ZMYM2: variants seen among roughly 807,000 people sequenced by gnomAD.
The protein encoded by ZMYM2 is zinc finger MYM-type containing 2.
A neutral mutation model predicts 162.8 loss-of-function variants in ZMYM2; 56 were observed. That is an observed-to-expected ratio of 0.34 (90% CI 0.28 to 0.43). ZMYM2 has a LOEUF of 0.43. Ranked by LOEUF, ZMYM2 falls within the 20% of genes least tolerant of loss-of-function variation. The pLI is 1.00. For missense variants in ZMYM2, 1,275 were observed against 1,621.8 expected (o/e 0.79, Z 3.67); for synonymous variants, 510 against 541.6 (o/e 0.94, Z 0.81).
At chr13:20,032,313 G>A (rs1424118207) in intron 10 of ZMYM2, among the ~76,000 whole-genome samples, 2 of 152,010 alleles carry the variant, frequency 1.3e-5, no homozygotes, top group Admixed American at 6.6e-5. Context: ...TATTTCATAA[G>A]GGGGCAGTAA....
the ZMYM2 span, among the ~76,000 whole-genome samples, chr13:19,897,528 C>T: frequency 2.0e-5 from 3 of 150,086 alleles, no homozygotes. Context: ...GGCCTATGGT[C>T]AGGGCAGAAG....
the ZMYM2 span, among the ~76,000 whole-genome samples, chr13:19,911,525 A>G: frequency 6.6e-6 from 1 of 152,098 alleles, no homozygotes; most frequent in East Asian, 1.9e-4. Context: ...CGGGGTGACT[A>G]TGTATTGGGG....
intron 3 of ZMYM2, among the ~76,000 whole-genome samples, chr13:20,000,478 TGTAA>T (rs1950313185): frequency 3.3e-5 from 5 of 152,294 alleles, no homozygotes; most frequent in African/African-American, 1.2e-4. Context: ...ACTTAGTGAC[TGTAA>T]GTTGAAGCCA....
intron 2 of ZMYM2, among the ~76,000 whole-genome samples, chr13:19,973,997 G>C (rs113552436): frequency 2.0e-5 from 3 of 152,184 alleles, no homozygotes; most frequent in Non-Finnish European, 2.9e-5. Flanking sequence ...ACTTTAAATG[G>C]AAAGATGTGC....
At chr13:20,041,843 G>A (rs1284638310) in intron 12 of ZMYM2, among the ~76,000 whole-genome samples, 2 of 150,784 alleles carry the variant, frequency 1.3e-5, no homozygotes, top group Non-Finnish European at 3.0e-5. Flanking sequence ...TTGGCAGGTG[G>A]CACTGGTGTT....
rs1555290075 is a variant in ZMYM2 at position 19,991,640 on chromosome 13, T to TC, written c.-10-1420dup. On this transcript the variant is annotated intron_variant, in intron 2 of 24. Coordinates refer to ENST00000610343, the MANE Select transcript of ZMYM2 (RefSeq NM_197968.4). ...TTTCTTTTTCTTTTTTTTTTTTTTT[T>TC]CCCATTTTGAGACAGGTTCTCACTC... Among the ~76,000 whole-genome samples the TC allele has an allele frequency of 1.3e-3, 201 of 150,108 alleles. 2 individuals carry two copies. Among genetic ancestry groups the TC allele is most frequent in the African/African-American group, 4.1e-3 (167 of 40,934 alleles).
chr13:19,973,761 G>A (rs1044170790), intron 2 of ZMYM2, among the ~76,000 whole-genome samples: 5 of 151,478 alleles, frequency 3.3e-5, no homozygotes, highest in Non-Finnish European at 5.9e-5. Flanking sequence ...TCCAATCCGC[G>A]GCCCGCAGGT....
intron 12 of ZMYM2, among the ~76,000 whole-genome samples, chr13:20,050,517 A>G (rs1216223922): frequency 6.6e-6 from 1 of 151,998 alleles, no homozygotes; most frequent in African/African-American, 2.4e-5. Flanking sequence ...AAAAAATAAT[A>G]ATAGTTCATT....
intron 2 of ZMYM2, among the ~76,000 whole-genome samples, chr13:19,989,888 TGTCA>T (rs2139673863): frequency 6.6e-6 from 1 of 152,326 alleles, no homozygotes; most frequent in East Asian, 1.9e-4. Flanking sequence ...TTTTTTTTCA[TGTCA>T]GTAAGAGATC....
At position 20,014,762 on chromosome 13, in the gene ZMYM2, GT is replaced by G. The variant is rs71070286; in HGVS notation, c.1513-4765del. Among the ~76,000 whole-genome samples the G allele has an allele frequency of 8.0e-3, 738 of 92,804 alleles. 7 individuals are homozygous for G. Among genetic ancestry groups the G allele is most frequent in the African/African-American group, 0.028 (650 of 23,148 alleles). 60.9% of individuals were successfully genotyped at this position (92,804 alleles called of 152,430 possible). On this transcript the variant is annotated intron_variant, in intron 6 of 24. Transcript: ENST00000610343. ...TGAGAAGTTAGGTTATTTACTTTAGGTTTTTTTTTTTTTTTTTTTTGGGGAC... is the reference window on the plus strand; with the variant it reads ...TGAGAAGTTAGGTTATTTACTTTAGGTTTTTTTTTTTTTTTTTTTGGGGAC...
intron 18 of ZMYM2, 132 bp downstream of exon 18, chr13:20,063,103 CACCTT>C (rs916094709): frequency 1.8e-6 from 2 of 1,141,840 alleles, no homozygotes; most frequent in Admixed American, 3.4e-5. Flanking sequence ...TTTTTAAACT[CACCTT>C]AAGAGTTAAC....
At chr13:19,872,535 G>C in the ZMYM2 span, among the ~76,000 whole-genome samples, 2 of 151,994 alleles carry the variant, frequency 1.3e-5, no homozygotes, top group African/African-American at 4.8e-5. Flanking sequence ...GGGCAACAGA[G>C]TGAGACCCCA....
chr13:19,934,503 T>G, the ZMYM2 span, among the ~76,000 whole-genome samples: 1 of 152,186 alleles, frequency 6.6e-6, no homozygotes, highest in South Asian at 2.1e-4. Context: ...GATATCTATA[T>G]TCCTCATAAT....
chr13:19,957,898 C>G (rs1273135618), upstream of ZMYM2, among the ~76,000 whole-genome samples: 1 of 152,220 alleles, frequency 6.6e-6, no homozygotes, highest in African/African-American at 2.4e-5. Context: ...CCCCTGTGGC[C>G]CCGCGGACGC....
At chr13:19,909,295 C>T in the ZMYM2 span, among the ~76,000 whole-genome samples, 1 of 152,152 alleles carries the variant, frequency 6.6e-6, no homozygotes, top group Non-Finnish European at 1.5e-5. Context: ...AGACCTGCCA[C>T]TGGAATTCAG....
chr13:19,960,276 C>T (rs1201338122), intron 2 of ZMYM2, among the ~76,000 whole-genome samples: 1 of 152,222 alleles, frequency 6.6e-6, no homozygotes, highest in East Asian at 1.9e-4. Flanking sequence ...CGGGCTTCTG[C>T]AGCTGCTCAC....
chr13:20,085,013 G>C (rs997154743), intron 24 of ZMYM2, among the ~76,000 whole-genome samples: 1 of 152,096 alleles, frequency 6.6e-6, no homozygotes, highest in Admixed American at 6.6e-5. Context: ...TCTTAGGGCT[G>C]GGACCCAACT....
At chr13:19,982,047 T>C (rs1336130261) in intron 2 of ZMYM2, among the ~76,000 whole-genome samples, 2 of 152,144 alleles carry the variant, frequency 1.3e-5, no homozygotes, top group African/African-American at 4.8e-5. Flanking sequence ...TGACTTGCAG[T>C]TTTAGGTGGA....
At chr13:19,936,182 A>G in the ZMYM2 span, among the ~76,000 whole-genome samples, 1 of 152,224 alleles carries the variant, frequency 6.6e-6, no homozygotes. Flanking sequence ...TCTAAAGAGT[A>G]GACTTTGTCA....
Sources: allele counts gnomAD v4.1 joint callset (sites outside exome capture counted in the v4.1 genomes callset), GRCh38; gene constraint gnomAD v4.1.1; transcripts MANE v1.5; gene names NCBI Gene and HGNC (gene_info 2026-07-23, HGNC 2026-07-21).